The following KCNG2 variants were observed in gnomAD, a reference collection of about 807,000 sequenced individuals.
KCNG2 encodes the protein voltage-gated potassium channel regulatory subunit KCNG2.
KCNG2 carries 7 observed loss-of-function variants against 12.3 expected under a neutral mutation model. The ratio of observed to expected loss-of-function variants is 0.57; its 90% CI spans 0.32 to 1.07. The LOEUF is 1.07. Among genes scored for constraint, KCNG2 ranks in the 50% least tolerant of loss-of-function variants. KCNG2 has a pLI of 0.04. For synonymous variants in KCNG2, 414 were observed against 351.4 expected, an observed-to-expected ratio of 1.18 and a Z score of -1.99; for missense variants, 703 against 726.0, an observed-to-expected ratio of 0.97 and a Z score of 0.36.
chr18:79,857,862 A>G (rs1979074504), intron 2 of KCNG2, among the ~76,000 whole-genome samples: 1 of 152,064 alleles, frequency 6.6e-6, no homozygotes, highest in East Asian at 1.9e-4. Flanking sequence ...CATCACCACT[A>G]TCTAATTCCA....
Position 79,868,161 on chromosome 18 carries a change from C to T in KCNG2, c.624+3870C>T, listed in dbSNP as rs190505905. ...GGAGAAGTTTGGGCTGCCCCAGCTA[C>T]AGAAGTCACCCCAGGAACACCAGCC... On this transcript the variant is annotated intron_variant, in intron 3 of 3. Coordinates refer to ENST00000316249, the MANE Select transcript of KCNG2 (RefSeq NM_012283.2). Among the ~76,000 whole-genome samples, 274 of 152,342 alleles carry T rather than the reference C, an allele frequency of 1.8e-3. 4 individuals carry two copies. The highest frequency in any genetic ancestry group is 4.4e-4 in the Non-Finnish European group (30 of 68,034).
intron 3 of KCNG2, among the ~76,000 whole-genome samples, chr18:79,877,007 C>T (rs1017941934): frequency 6.6e-6 from 1 of 152,238 alleles, no homozygotes; most frequent in Non-Finnish European, 1.5e-5. Flanking sequence ...CGAACTGACA[C>T]GTCTGCTTCG....
intron 1 of KCNG2, among the ~76,000 whole-genome samples, chr18:79,828,487 G>T (rs1431316201): frequency 6.8e-6 from 1 of 146,072 alleles, no homozygotes; most frequent in Non-Finnish European, 1.5e-5. Flanking sequence ...ATGAATGTGT[G>T]CATATGTGTC....
chr18:79,841,273 T>C (rs912533593), intron 1 of KCNG2, among the ~76,000 whole-genome samples: 7 of 152,108 alleles, frequency 4.6e-5, no homozygotes, highest in Non-Finnish European at 1.0e-4. Flanking sequence ...GTTGCCTGGG[T>C]GACAGAGCAA....
Position 79,899,056 on chromosome 18 carries a change from A to G in KCNG2, c.641A>G (p.Lys214Arg), listed in dbSNP as rs1450869433. ...TCCCCGCAGGGCGAGTGCTCCCCCA[A>G]GTGCCGCAGCCTGTTCGTGCTGGAG... ...AEEERGECSPKCRSLFVLETV... is the reference protein window; with the variant it reads ...AEEERGECSPRCRSLFVLETV... Residue 214 changes from lysine to arginine, a missense_variant, in exon 4 of 4, where the codon AAG (lysine) becomes AGG (arginine). Transcript: ENST00000316249. The G allele has an allele frequency of 4.5e-6, 7 of 1,571,406 alleles. No homozygotes were observed. Among genetic ancestry groups the G allele is most frequent in the South Asian group, 3.5e-5 (3 of 86,696 alleles).
At chr18:79,856,640 C>T (rs1361325637) in intron 2 of KCNG2, among the ~76,000 whole-genome samples, 188 bp downstream of exon 2, 1 of 152,184 alleles carries the variant, frequency 6.6e-6, no homozygotes, top group Non-Finnish European at 1.5e-5. Context: ...AACTCAGGCG[C>T]AGCCCCTTCC....
chr18:79,881,558 C>T (rs920208824), intron 3 of KCNG2, among the ~76,000 whole-genome samples: 2 of 152,206 alleles, frequency 1.3e-5, no homozygotes, highest in Admixed American at 6.5e-5. Context: ...GTCCAGGATC[C>T]ATCTACGTGC....
intron 1 of KCNG2, among the ~76,000 whole-genome samples, chr18:79,798,375 G>C (rs529747265): frequency 1.3e-5 from 2 of 152,246 alleles, no homozygotes; most frequent in Admixed American, 1.3e-4. Flanking sequence ...ATTCGCGCTG[G>C]TCCTGCGGGA....
intron 3 of KCNG2, among the ~76,000 whole-genome samples, chr18:79,897,928 CTG>C (rs1429813336): frequency 6.6e-6 from 1 of 152,170 alleles, no homozygotes; most frequent in African/African-American, 2.4e-5. Flanking sequence ...GCTGAAAGCT[CTG>C]TTATTCCTTT....
chr18:79,836,750 G>C (rs1276234695), intron 1 of KCNG2, among the ~76,000 whole-genome samples: 1 of 152,102 alleles, frequency 6.6e-6, no homozygotes, highest in African/African-American at 2.4e-5. Context: ...ATGAGTCCTT[G>C]TAAGAACTCA....
chr18:79,831,728 C>T (rs559432411), intron 1 of KCNG2, among the ~76,000 whole-genome samples: 2 of 63,934 alleles, frequency 3.1e-5, no homozygotes, highest in Non-Finnish European at 3.1e-5. Flanking sequence ...ACAGAGCCTT[C>T]ATCAGGAGGG....
rs2087443852 is a variant in KCNG2, at chr18:79,805,661, G to T, written c.-115+7647G>T. Among the ~76,000 whole-genome samples the T allele has an allele frequency of 1.3e-5, 2 of 152,046 alleles. 1 individual carries two copies. Among genetic ancestry groups the T allele is most frequent in the South Asian group, 4.1e-4 (2 of 4,830 alleles). The stretch of plus-strand genomic sequence containing the variant: ...TCCTGGTGGCCATGTACCACCTGGC[G>T]CCCTGCAGGGCTGCAGCCTCTTCAC... On this transcript the variant is annotated intron_variant, in intron 1 of 3. Coordinates refer to ENST00000316249, the MANE Select transcript of KCNG2 (RefSeq NM_012283.2).
Sources: allele counts gnomAD v4.1 joint callset (sites outside exome capture counted in the v4.1 genomes callset), GRCh38; gene constraint gnomAD v4.1.1; transcripts MANE v1.5; gene names NCBI Gene and HGNC (gene_info 2026-07-23, HGNC 2026-07-21).